HCRTR2: variants seen among roughly 807,000 people sequenced by gnomAD.
The protein encoded by HCRTR2 is hypocretin receptor 2.
A neutral mutation model predicts 49.0 loss-of-function variants in HCRTR2; 22 were observed. The observed-to-expected ratio is 0.45, with a 90% CI of 0.32 to 0.64. The LOEUF (loss-of-function observed/expected upper bound fraction) is 0.64. Ranked by LOEUF, HCRTR2 falls within the 30% of genes least tolerant of loss-of-function variation. The pLI is 0.04. For missense variants in HCRTR2, 491 were observed against 559.4 expected (o/e 0.88, Z 1.23); for synonymous variants, 236 against 205.3 (o/e 1.15, Z -1.28).
At chr6:55,220,958 A>C (rs1765878824) in intron 1 of HCRTR2, among the ~76,000 whole-genome samples, 1 of 152,196 alleles carries the variant, frequency 6.6e-6, no homozygotes, top group Non-Finnish European at 1.5e-5. Flanking sequence ...ATATTATCAA[A>C]AATGACTAAA....
intron 3 of HCRTR2, among the ~76,000 whole-genome samples, chr6:55,257,588 A>G (rs976202104): frequency 2.1e-5 from 3 of 145,282 alleles, no homozygotes; most frequent in Non-Finnish European, 4.7e-5. Flanking sequence ...TTGCAAAGTC[A>G]TGGATTCCTG....
chr6:55,203,731 C>G (rs1765551246), intron 1 of HCRTR2, among the ~76,000 whole-genome samples: 2 of 152,058 alleles, frequency 1.3e-5, no homozygotes, highest in African/African-American at 2.4e-5. Flanking sequence ...ATATAAGTAA[C>G]AGCCAGTGCA....
chr6:55,137,423 G>C, intron 1 of HCRTR2, among the ~76,000 whole-genome samples: 1 of 152,052 alleles, frequency 6.6e-6, no homozygotes, highest in East Asian at 1.9e-4. Flanking sequence ...AAAAAAGAGA[G>C]AAAAAATAAA....
chr6:55,268,959 G>T (rs1766915913), intron 4 of HCRTR2, among the ~76,000 whole-genome samples: 1 of 151,540 alleles, frequency 6.6e-6, no homozygotes, highest in South Asian at 2.1e-4. Context: ...GTGAGGTGGG[G>T]GGCACCTGTA....
At chr6:55,241,472 T>A (rs972344737) in intron 1 of HCRTR2, among the ~76,000 whole-genome samples, 4 of 152,140 alleles carry the variant, frequency 2.6e-5, no homozygotes, top group Non-Finnish European at 4.4e-5. Context: ...ATATATTTTT[T>A]ATGTACATAA....
chr6:55,169,851 C>T (rs184802379), upstream of HCRTR2, among the ~76,000 whole-genome samples: 5 of 152,144 alleles, frequency 3.3e-5, no homozygotes, highest in East Asian at 9.7e-4. Flanking sequence ...ATCATTGAGG[C>T]TAGACTAGTC....
intron 1 of HCRTR2, among the ~76,000 whole-genome samples, chr6:55,121,243 A>G (rs1384679950): frequency 6.6e-6 from 1 of 152,056 alleles, no homozygotes; most frequent in African/African-American, 2.4e-5. Flanking sequence ...GCAATTGTGA[A>G]TGGGAGTTCA....
chr6:55,237,171 T>C (rs1401667599), intron 1 of HCRTR2, among the ~76,000 whole-genome samples: 2 of 152,116 alleles, frequency 1.3e-5, no homozygotes, highest in African/African-American at 4.8e-5. Context: ...ATATTCTTTA[T>C]AATATATCTA....
chr6:55,229,713 G>C (rs1036473374), intron 1 of HCRTR2, among the ~76,000 whole-genome samples: 1 of 152,182 alleles, frequency 6.6e-6, no homozygotes, highest in African/African-American at 2.4e-5. Flanking sequence ...GACTAGAATG[G>C]TAGTTGCCAG....
At chr6:55,223,500 A>G (rs921602845) in intron 1 of HCRTR2, among the ~76,000 whole-genome samples, 3 of 152,326 alleles carry the variant, frequency 2.0e-5, no homozygotes, top group Admixed American at 1.3e-4. Context: ...CCTAATTAGC[A>G]TTTAGGAACA....
At chr6:55,237,431 G>T (rs1766234811) in intron 1 of HCRTR2, among the ~76,000 whole-genome samples, 1 of 152,126 alleles carries the variant, frequency 6.6e-6, no homozygotes, top group South Asian at 2.1e-4. Context: ...TCATAACTTG[G>T]AGTTACAGCT....
chr6:55,283,277 G>C (rs1342504788), downstream of HCRTR2, among the ~76,000 whole-genome samples: 1 of 152,170 alleles, frequency 6.6e-6, no homozygotes, highest in African/African-American at 2.4e-5. Flanking sequence ...ATGCAAACAT[G>C]CCTTCAAAAG....
chr6:55,167,109 C>T (rs926215949), intron 1 of HCRTR2, among the ~76,000 whole-genome samples: 1 of 152,054 alleles, frequency 6.6e-6, no homozygotes, highest in African/African-American at 2.4e-5. Flanking sequence ...CTATAAACCA[C>T]TAAATGATAC....
chr6:55,174,031 T>G (rs1764989400), upstream of HCRTR2, among the ~76,000 whole-genome samples: 1 of 152,166 alleles, frequency 6.6e-6, no homozygotes, highest in Non-Finnish European at 1.5e-5. Flanking sequence ...TGCTCTGTAT[T>G]AATTGTATGT....
chr6:55,232,357 G>T, intron 1 of HCRTR2, among the ~76,000 whole-genome samples: 1 of 152,152 alleles, frequency 6.6e-6, no homozygotes, highest in Non-Finnish European at 1.5e-5. Flanking sequence ...TGAAACAGCT[G>T]CAGCTGTTTA....
intron 1 of HCRTR2, among the ~76,000 whole-genome samples, chr6:55,156,893 A>G (rs1764738797): frequency 6.6e-6 from 1 of 152,214 alleles, no homozygotes; most frequent in African/African-American, 2.4e-5. Context: ...CCTCAACTTT[A>G]CAAAGAACAT....
At chr6:55,214,398 C>G (rs1320725832) in intron 1 of HCRTR2, among the ~76,000 whole-genome samples, 1 of 152,168 alleles carries the variant, frequency 6.6e-6, no homozygotes, top group Non-Finnish European at 1.5e-5. Flanking sequence ...GTGATGCAAT[C>G]ATAACTCACT....
intron 1 of HCRTR2, among the ~76,000 whole-genome samples, chr6:55,119,593 T>C (rs1300409826): frequency 6.6e-6 from 1 of 151,798 alleles, no homozygotes; most frequent in African/African-American, 2.4e-5. Context: ...TTGAGAAGTG[T>C]CTGCTCATAT....
chr6:55,156,886 C>A (rs9370392), intron 1 of HCRTR2, among the ~76,000 whole-genome samples: 65,568 of 151,856 alleles, frequency 0.43, 15,001 homozygotes, highest in East Asian at 0.78. Context: ...GGAACTTCCT[C>A]AACTTTACAA....
Sources: allele counts gnomAD v4.1 joint callset (sites outside exome capture counted in the v4.1 genomes callset), GRCh38; gene constraint gnomAD v4.1.1; transcripts MANE v1.5; gene names NCBI Gene and HGNC (gene_info 2026-07-23, HGNC 2026-07-21).